TF: variants seen among roughly 807,000 people sequenced by gnomAD.
TF encodes transferrin, also known as serotransferrin.
Under a neutral mutation model 82.4 loss-of-function variants are expected in TF, and 55 were observed. The observed-to-expected ratio is 0.67, with a 90% CI of 0.54 to 0.84. The LOEUF (loss-of-function observed/expected upper bound fraction) is 0.84. Among genes scored for constraint, TF ranks in the 40% least tolerant of loss-of-function variants. The pLI is 0.00. For synonymous variants in TF, 332 were observed against 332.6 expected (o/e 1.00, Z 0.02); for missense variants, 737 against 868.4 (o/e 0.85, Z 1.90).
At chr3:133,720,777 A>T in the TF span, among the ~76,000 whole-genome samples, 1 of 152,026 alleles carries the variant, frequency 6.6e-6, no homozygotes, top group Admixed American at 6.5e-5. Context: ...TTTCTCACTT[A>T]TTACTGGTCT....
chr3:133,683,702 C>T, the TF span, among the ~76,000 whole-genome samples: 4 of 152,172 alleles, frequency 2.6e-5, no homozygotes, highest in Non-Finnish European at 5.9e-5. Flanking sequence ...ATTCGTAAAG[C>T]AAATCCTTAG....
the TF span, chr3:133,699,466 A>C: frequency 8.1e-7 from 1 of 1,236,908 alleles, no homozygotes; most frequent in Non-Finnish European, 1.1e-6. Context: ...AACAAGGCTG[A>C]CAAGGACCAG....
At chr3:133,764,040 T>A (rs1934062509) in intron 9 of TF, 142 bp from the exon 10 acceptor site, 1 of 736,550 alleles carries the variant, frequency 1.4e-6, no homozygotes, top group Non-Finnish European at 2.5e-6. Flanking sequence ...GCCTGGCTGA[T>A]CTTTTGGGGG....
rs1239506959 is a variant in TF at position 133,777,121 on chromosome 3, C to T, written c.1945C>T (p.Leu649=). 11 of 1,614,214 alleles carry T rather than the reference C, an allele frequency of 6.8e-6. No individual in the cohort carries two copies. ...CLFRSETKDL[L]FRDDTVCLAK... is the part of the protein sequence containing the mutation. ...GTTCCGGTCGGAAACCAAGGACCTT[C>T]TGTTCAGAGATGACACAGTATGTTT... The change falls in exon 16 of 17, where the codon CTG becomes TTG. Residue 649 remains leucine, a synonymous_variant. Coordinates refer to ENST00000402696, the MANE Select transcript of TF (RefSeq NM_001063.4).
At chr3:133,747,796 T>A (rs1397748825) in intron 1 of TF, among the ~76,000 whole-genome samples, 1 of 152,174 alleles carries the variant, frequency 6.6e-6, no homozygotes, top group African/African-American at 2.4e-5. Context: ...TTTCGTTAAT[T>A]TACCCTCAAC....
At chr3:133,776,932 C>T in intron 15 of TF, 117 bp from the exon 16 acceptor site, 3 of 921,988 alleles carry the variant, frequency 3.3e-6, no homozygotes, top group Admixed American at 4.0e-5. Flanking sequence ...CCAAGACATA[C>T]TCCGTAGCTT....
the TF span, among the ~76,000 whole-genome samples, chr3:133,727,105 G>A: frequency 7.9e-5 from 12 of 152,290 alleles, no homozygotes; most frequent in African/African-American, 2.4e-4. Flanking sequence ...TAGGTGTGGT[G>A]TGGTGCTGAA....
rs183358136 is a variant in TF, at chr3:133,793,108, A to C, written c.*14488A>C. On this transcript the variant is annotated 3_prime_UTR_variant, in exon 17 of 17. Coordinates refer to ENST00000402696, the MANE Select transcript of TF (RefSeq NM_001063.4). ...GCTTTCTCTCTTGAACAAGATTTTCATGCAGTATTAAAAGATAATGAAAGA... is the reference window on the plus strand; with the variant it reads ...GCTTTCTCTCTTGAACAAGATTTTCCTGCAGTATTAAAAGATAATGAAAGA... 6.6e-6 allele frequency: 1 copy of C among 152,302 alleles called. No individual in the cohort carries two copies. Among genetic ancestry groups the C allele is most frequent in the Non-Finnish European group, 1.5e-5 (1 of 68,004 alleles). 9.4% of individuals were successfully genotyped at this position (152,302 alleles called of 1,614,324 possible). A position where few individuals can be genotyped will look rare whatever the true frequency, so the allele number is the denominator to read the frequency against.
At chr3:133,740,290 A>G in the TF span, among the ~76,000 whole-genome samples, 2 of 152,182 alleles carry the variant, frequency 1.3e-5, no homozygotes, top group African/African-American at 4.8e-5. Flanking sequence ...CAATGAGAAT[A>G]CATGGACACA....
Position 133,781,310 on chromosome 3 carries a change from C to T in TF, c.*2690C>T, listed in dbSNP as rs888607932. On this transcript the variant is annotated 3_prime_UTR_variant, in exon 17 of 17. Transcript: ENST00000402696. ...CAGTCTAGACAACAAGAGCAAAACT[C>T]TGTCTCAAAATAATAAAAATAATAA... 2 of 151,852 alleles carry T rather than the reference C, an allele frequency of 1.3e-5. No homozygotes were observed. The highest frequency in any genetic ancestry group is 2.1e-4 in the South Asian group (1 of 4,806). 9.4% of individuals were successfully genotyped at this position (151,852 alleles called of 1,614,324 possible). A position where few individuals can be genotyped will look rare whatever the true frequency, so the allele number is the denominator to read the frequency against.
rs1934951284 is a variant in TF, at chr3:133,795,734, C to T, written c.*17114C>T. 6.6e-6 allele frequency: 1 copy of T among 152,056 alleles called. No homozygotes were observed. Among genetic ancestry groups the T allele is most frequent in the African/African-American group, 2.4e-5 (1 of 41,350 alleles). The allele number at this position is 152,056 out of a possible 1,614,324, so 9.4% of individuals were successfully genotyped here. ...GGGACTACAGGCACCTGCCACCACG[C>T]CCGGCTAATTTTTTTGTATTTTTAG... On this transcript the variant is annotated 3_prime_UTR_variant, in exon 17 of 17. Coordinates refer to ENST00000402696, the MANE Select transcript of TF (RefSeq NM_001063.4).
the TF span, among the ~76,000 whole-genome samples, chr3:133,736,565 C>T: frequency 6.0e-5 from 8 of 132,562 alleles, no homozygotes; most frequent in East Asian, 5.0e-4. Context: ...ACCCATCTCA[C>T]GTGCAAAGAC....
chr3:133,689,783 T>C, the TF span, among the ~76,000 whole-genome samples: 1 of 152,212 alleles, frequency 6.6e-6, no homozygotes, highest in Non-Finnish European at 1.5e-5. Flanking sequence ...AGATGCAAAC[T>C]GTGATAGACA....
intron 16 of TF, chr3:133,777,604 T>A (rs1225771139): frequency 5.2e-6 from 1 of 194,114 alleles, no homozygotes; most frequent in Admixed American, 5.3e-5. Context: ...AAATTTAAGT[T>A]AATTAAAATT....
At chr3:133,683,824 C>A in the TF span, among the ~76,000 whole-genome samples, 2 of 152,234 alleles carry the variant, frequency 1.3e-5, no homozygotes, top group African/African-American at 4.8e-5. Context: ...ATATCCAGGA[C>A]TTGAACTCAG....
chr3:133,730,424 T>A, the TF span, among the ~76,000 whole-genome samples: 1 of 152,210 alleles, frequency 6.6e-6, no homozygotes, highest in African/African-American at 2.4e-5. Context: ...CAGACTCTGT[T>A]ATCCAAAGCC....
chr3:133,666,584 A>G, the TF span, among the ~76,000 whole-genome samples: 1 of 152,228 alleles, frequency 6.6e-6, no homozygotes, highest in African/African-American at 2.4e-5. Context: ...AAGATAGAAC[A>G]TAGGCCTACT....
At chr3:133,758,309 A>C (rs1030642527) in intron 8 of TF, among the ~76,000 whole-genome samples, 1 of 152,262 alleles carries the variant, frequency 6.6e-6, no homozygotes, top group African/African-American at 2.4e-5. Flanking sequence ...AACATGTACC[A>C]TAATGAAGAG....
At chr3:133,675,448 T>G in the TF span, among the ~76,000 whole-genome samples, 1 of 152,206 alleles carries the variant, frequency 6.6e-6, no homozygotes, top group African/African-American at 2.4e-5. Flanking sequence ...ACATTTTATT[T>G]GGGAAGCAAG....
Sources: allele counts gnomAD v4.1 joint callset (sites outside exome capture counted in the v4.1 genomes callset), GRCh38; gene constraint gnomAD v4.1.1; transcripts MANE v1.5; gene names NCBI Gene and HGNC (gene_info 2026-07-23, HGNC 2026-07-21).